The following NCKAP5 variants were observed in gnomAD, a reference collection of about 807,000 sequenced individuals.
NCKAP5 encodes NCK associated protein 5.
Under a neutral mutation model 167.0 loss-of-function variants are expected in NCKAP5, and 92 were observed. The ratio of observed to expected loss-of-function variants is 0.55; its 90% CI spans 0.47 to 0.66. The LOEUF is 0.66. Ranked by LOEUF, NCKAP5 falls within the 30% of genes least tolerant of loss-of-function variation. The pLI, the probability that NCKAP5 is intolerant of heterozygous loss-of-function variation, is 0.00. For synonymous variants in NCKAP5, 891 were observed against 877.4 expected, an observed-to-expected ratio of 1.02 and a Z score of -0.27; for missense variants, 2,378 against 2,315.0, an observed-to-expected ratio of 1.03 and a Z score of -0.56.
At chr2:133,180,298 T>C (rs1338050810) in intron 5 of NCKAP5, among the ~76,000 whole-genome samples, 1 of 152,128 alleles carries the variant, frequency 6.6e-6, no homozygotes, top group Non-Finnish European at 1.5e-5. Context: ...AGTAGACTTA[T>C]CCTAAAAGAA....
chr2:133,526,509 C>A (rs1684940881), intron 2 of NCKAP5, among the ~76,000 whole-genome samples: 1 of 152,124 alleles, frequency 6.6e-6, no homozygotes, highest in Admixed American at 6.5e-5. Flanking sequence ...GAGGACTTGC[C>A]TTTATTGTCA....
At chr2:133,249,998 T>TTTTTTATTATTATTATTA (rs143273928) in intron 4 of NCKAP5, among the ~76,000 whole-genome samples, 2 of 138,226 alleles carry the variant, frequency 1.4e-5, no homozygotes, top group African/African-American at 2.7e-5. Flanking sequence ...CACCAAGGGT[T>TTTTTTATTATTATTATTA]TTATTATTAT....
the NCKAP5 span, among the ~76,000 whole-genome samples, chr2:133,597,195 C>A: frequency 1.3e-5 from 2 of 152,180 alleles, no homozygotes; most frequent in African/African-American, 4.8e-5. Flanking sequence ...TGGGGTGAAA[C>A]AATGCATCTC....
In NCKAP5 at chr2:133,094,457, T is replaced by G. The variant is rs191065256; in HGVS notation, c.341+35521A>C. Among the ~76,000 whole-genome samples, 177 of 152,346 alleles carry G rather than the reference T, an allele frequency of 1.2e-3. 1 individual carries two copies. Among genetic ancestry groups the G allele is most frequent in the African/African-American group, 3.2e-3 (135 of 41,590 alleles). On this transcript the variant is annotated intron_variant, in intron 6 of 19. Transcript: ENST00000409261. ...ATACCACCTGGCTCCCAAATTTTGG[T>G]CTACTCTCCCCGGAAACAACTCCTT...
intron 10 of NCKAP5, among the ~76,000 whole-genome samples, chr2:132,861,873 A>T (rs556635393): frequency 6.6e-6 from 1 of 152,378 alleles, no homozygotes; most frequent in East Asian, 1.9e-4. Flanking sequence ...ATACTGAAAT[A>T]ACCACACCAG....
intron 17 of NCKAP5, among the ~76,000 whole-genome samples, chr2:132,730,257 G>T (rs1030444874): frequency 3.9e-5 from 6 of 152,316 alleles, no homozygotes; most frequent in Middle Eastern, 3.4e-3. Context: ...ACTTTGGGAG[G>T]CCAAGGCAGG....
chr2:133,453,916 C>T (rs192006018), intron 3 of NCKAP5, among the ~76,000 whole-genome samples: 14 of 152,102 alleles, frequency 9.2e-5, no homozygotes, highest in African/African-American at 3.1e-4. Context: ...GCCCCCCCAC[C>T]ACCGCTGAAT....
intron 8 of NCKAP5, among the ~76,000 whole-genome samples, chr2:132,909,235 A>G (rs1694247471): frequency 6.6e-6 from 1 of 152,050 alleles, no homozygotes; most frequent in Admixed American, 6.6e-5. Context: ...GATCCCAGCT[A>G]CTCAGGAGGC....
At chr2:133,030,805 CA>C (rs778553454) in intron 6 of NCKAP5, among the ~76,000 whole-genome samples, 3 of 152,104 alleles carry the variant, frequency 2.0e-5, no homozygotes, top group African/African-American at 7.2e-5. Flanking sequence ...GCCAGAAGTC[CA>C]AAATCAAGGT....
chr2:133,326,553 C>CA (rs1272263728), intron 3 of NCKAP5, among the ~76,000 whole-genome samples: 2 of 151,452 alleles, frequency 1.3e-5, no homozygotes, highest in Non-Finnish European at 2.9e-5. Context: ...AGTCCTGTAA[C>CA]AGCAGAGAAC....
chr2:133,451,390 G>T (rs1200454463), intron 3 of NCKAP5, among the ~76,000 whole-genome samples: 7 of 152,144 alleles, frequency 4.6e-5, no homozygotes, highest in Non-Finnish European at 7.3e-5. Context: ...ATATCAGAAA[G>T]CATATGCCCC....
At chr2:133,542,142 T>A (rs919467076) in intron 2 of NCKAP5, among the ~76,000 whole-genome samples, 1 of 152,144 alleles carries the variant, frequency 6.6e-6, no homozygotes, top group East Asian at 1.9e-4. Context: ...ATCATGGGGA[T>A]GTCCCTAAAC....
intron 7 of NCKAP5, among the ~76,000 whole-genome samples, chr2:132,965,153 T>C (rs1255848430): frequency 1.3e-5 from 2 of 152,190 alleles, no homozygotes; most frequent in Admixed American, 6.5e-5. Context: ...CATCTCTGTA[T>C]ATATAAATGC....
intron 7 of NCKAP5, among the ~76,000 whole-genome samples, chr2:132,991,700 CT>C (rs2077452540): frequency 6.6e-6 from 1 of 152,146 alleles, no homozygotes; most frequent in South Asian, 2.1e-4. Flanking sequence ...GTAACTCCAG[CT>C]TTCCCAGGGG....
intron 3 of NCKAP5, among the ~76,000 whole-genome samples, chr2:133,396,160 G>T (rs1574874623): frequency 6.6e-6 from 1 of 152,166 alleles, no homozygotes; most frequent in Non-Finnish European, 1.5e-5. Flanking sequence ...TCAAGGTAAA[G>T]TTCAATGAAC....
At position 132,741,959 on chromosome 2, in the gene NCKAP5, G is replaced by C. The variant is rs576820787; in HGVS notation, c.5129-9908C>G. Among the ~76,000 whole-genome samples the C allele has an allele frequency of 2.6e-5, 4 of 152,156 alleles. No homozygotes were observed. In the South Asian group the frequency reaches 8.3e-4, roughly 32 times the overall value. On this transcript the variant is annotated intron_variant, in intron 16 of 19. Coordinates refer to ENST00000409261, the MANE Select transcript of NCKAP5 (RefSeq NM_207363.3). ...TTAAACCTAAACAAATGCTCTTTACGCATTCTCCTTTGTTCACAGACTCAT... is the reference window on the plus strand; with the variant it reads ...TTAAACCTAAACAAATGCTCTTTACCCATTCTCCTTTGTTCACAGACTCAT...
At chr2:133,439,106 T>A (rs971146054) in intron 3 of NCKAP5, among the ~76,000 whole-genome samples, 7 of 152,172 alleles carry the variant, frequency 4.6e-5, no homozygotes, top group African/African-American at 1.7e-4. Flanking sequence ...AGAGATAGCA[T>A]CCACAGAAAT....
intron 19 of NCKAP5, among the ~76,000 whole-genome samples, chr2:132,714,040 A>G (rs186207074): frequency 2.1e-4 from 32 of 152,366 alleles, no homozygotes; most frequent in African/African-American, 7.2e-4. Context: ...GAATTTGAAA[A>G]CAATGATGCT....
intron 3 of NCKAP5, among the ~76,000 whole-genome samples, chr2:133,385,668 A>G (rs890748071): frequency 6.6e-6 from 1 of 151,716 alleles, no homozygotes; most frequent in Non-Finnish European, 1.5e-5. Flanking sequence ...CTGTGAATCC[A>G]TCTGGTCCTG....
Sources: gnomAD v4.1 joint callset for allele counts (sites outside exome capture counted in the v4.1 genomes callset) on GRCh38, gnomAD v4.1.1 for gene constraint, MANE v1.5 for transcripts, NCBI Gene and HGNC (gene_info 2026-07-23, HGNC 2026-07-21) for gene names.